CELF2: variants seen among roughly 807,000 people sequenced by gnomAD.
The protein encoded by CELF2 is CUGBP Elav-like family member 2.
In CELF2, 8 loss-of-function variants were observed where a neutral mutation model predicts 62.6. The observed-to-expected ratio is 0.13, with a 90% confidence interval of 0.07 to 0.23. The LOEUF (loss-of-function observed/expected upper bound fraction) is 0.23, where lower values mean the gene tolerates loss of function less well. CELF2 is among the 10% of genes least tolerant of loss of function. The pLI is 1.00. For missense variants in CELF2, 333 were observed against 671.0 expected (o/e 0.50, Z 5.56); for synonymous variants, 258 against 250.0 (o/e 1.03, Z -0.30).
the CELF2 span, among the ~76,000 whole-genome samples, chr10:10,530,237 C>T: frequency 3.9e-5 from 6 of 152,118 alleles, no homozygotes; most frequent in Admixed American, 3.3e-4. Flanking sequence ...AGGAATGAGT[C>T]CACCCTAGGT....
intron 1 of CELF2, among the ~76,000 whole-genome samples, chr10:10,816,338 ACT>A (rs1284588883): frequency 2.6e-5 from 4 of 152,150 alleles, no homozygotes; most frequent in Admixed American, 6.5e-5. Flanking sequence ...TTATAGGGTG[ACT>A]CTAGGAGCTG....
At chr10:10,712,641 C>T in the CELF2 span, among the ~76,000 whole-genome samples, 4 of 152,304 alleles carry the variant, frequency 2.6e-5, no homozygotes, top group South Asian at 8.3e-4. Flanking sequence ...TCCTACCTGG[C>T]ATCTTCATCT....
chr10:11,293,838 C>A (rs2092831859), intron 9 of CELF2, among the ~76,000 whole-genome samples: 1 of 152,026 alleles, frequency 6.6e-6, no homozygotes, highest in Non-Finnish European at 1.5e-5. Flanking sequence ...CAAAAATTGT[C>A]AAAGACAAAT....
the CELF2 span, among the ~76,000 whole-genome samples, chr10:10,736,924 C>T: frequency 1.7e-3 from 258 of 152,120 alleles, 2 homozygotes; most frequent in East Asian, 0.019. Context: ...TTCCAAATGG[C>T]GCAACTTAAT....
intron 2 of CELF2, chr10:10,935,356 A>G (rs1426709148): frequency 6.6e-6 from 1 of 152,212 alleles, no homozygotes; most frequent in African/African-American, 2.4e-5. Flanking sequence ...GAGACATTGT[A>G]GCTATTCATT....
At chr10:10,669,854 T>C in the CELF2 span, among the ~76,000 whole-genome samples, 1 of 152,152 alleles carries the variant, frequency 6.6e-6, no homozygotes, top group Non-Finnish European at 1.5e-5. Context: ...CTTTTTGTGT[T>C]TGATTGCATG....
chr10:11,048,864 G>C (rs2063343452), intron 1 of CELF2, among the ~76,000 whole-genome samples: 1 of 152,192 alleles, frequency 6.6e-6, no homozygotes, highest in African/African-American at 2.4e-5. Context: ...TAAATACTCT[G>C]AGTGCAGAAT....
intron 2 of CELF2, among the ~76,000 whole-genome samples, chr10:10,959,318 C>T (rs1592421770): frequency 6.6e-6 from 1 of 152,098 alleles, no homozygotes; most frequent in East Asian, 1.9e-4. Flanking sequence ...ATTTTGATGC[C>T]TTTTGTGGCA....
chr10:10,866,376 C>CTG (rs11282132), intron 1 of CELF2, among the ~76,000 whole-genome samples: 13 of 145,342 alleles, frequency 8.9e-5, no homozygotes, highest in South Asian at 6.7e-4. Flanking sequence ...CTTTGGGAGG[C>CTG]AGGCAGATGA....
At chr10:10,587,868 T>G in the CELF2 span, among the ~76,000 whole-genome samples, 8 of 152,246 alleles carry the variant, frequency 5.3e-5, no homozygotes, top group African/African-American at 1.9e-4. Flanking sequence ...TCTGTGGGCT[T>G]GGTGAGCAAG....
the CELF2 span, among the ~76,000 whole-genome samples, chr10:10,742,194 T>C: frequency 1.3e-5 from 2 of 151,384 alleles, no homozygotes; most frequent in African/African-American, 2.4e-5. Flanking sequence ...TTCATTATAC[T>C]GTTAATGAGA....
chr10:10,615,768 A>T, the CELF2 span, among the ~76,000 whole-genome samples: 5 of 152,216 alleles, frequency 3.3e-5, no homozygotes, highest in East Asian at 9.6e-4. Context: ...CCATGATTGT[A>T]AGTTTCCTGA....
intron 1 of CELF2, among the ~76,000 whole-genome samples, chr10:11,048,689 T>G (rs1010153684): frequency 2.0e-5 from 3 of 152,228 alleles, no homozygotes; most frequent in Non-Finnish European, 4.4e-5. Context: ...CTTCCTCTTT[T>G]CTTGAGGGGC....
At chr10:11,146,160 C>T (rs79836706) in intron 1 of CELF2, among the ~76,000 whole-genome samples, 6,748 of 152,214 alleles carry the variant, frequency 0.044, 165 homozygotes, top group Middle Eastern at 0.048. Context: ...CAAAACCCTC[C>T]CTCTTTTCCA....
chr10:10,959,022 C>T (rs562678748), intron 2 of CELF2, among the ~76,000 whole-genome samples: 3 of 152,178 alleles, frequency 2.0e-5, no homozygotes, highest in Admixed American at 6.5e-5. Flanking sequence ...TTTGGGAGGC[C>T]GAGGTAGGCG....
chr10:10,537,010 C>A, the CELF2 span, among the ~76,000 whole-genome samples: 1 of 152,096 alleles, frequency 6.6e-6, no homozygotes, highest in Non-Finnish European at 1.5e-5. Context: ...AAGCTGGATT[C>A]ACTTGCTGCT....
rs2050848002 is a variant in CELF2, at chr10:10,972,425, G to T, written c.89+52426G>T. Among the ~76,000 whole-genome samples, 1 of 152,158 alleles carries T rather than the reference G, an allele frequency of 6.6e-6. No individual in the cohort carries two copies. The highest frequency in any genetic ancestry group is 6.5e-5 in the Admixed American group (1 of 15,282). ...CTGGGTATTCCCTCTGGGAAATGCT[G>T]CTCTTCAAACTTGATTTCCCCATCC... On this transcript the variant is annotated intron_variant, in intron 2 of 13. Coordinates refer to the CELF2 transcript ENST00000636488. This position sits in a 1 kb window ranked among gnomAD's most constrained non-coding sequence, Gnocchi z 4.4.
At chr10:10,977,074 T>G (rs557687091) in intron 2 of CELF2, among the ~76,000 whole-genome samples, 60 of 151,606 alleles carry the variant, frequency 4.0e-4, no homozygotes, top group African/African-American at 1.3e-3. Flanking sequence ...CTGCCCTGAT[T>G]TAGACCAATT....
At chr10:11,298,356 C>T in intron 9 of CELF2, among the ~76,000 whole-genome samples, 1 of 152,218 alleles carries the variant, frequency 6.6e-6, no homozygotes, top group Non-Finnish European at 1.5e-5. Context: ...AGGGCTGAGT[C>T]AGCAGGTGGT....
Sources: allele counts gnomAD v4.1 joint callset (sites outside exome capture counted in the v4.1 genomes callset), GRCh38; gene constraint gnomAD v4.1.1; non-coding constraint Gnocchi (gnomAD v3.1); transcripts MANE v1.5; gene names NCBI Gene and HGNC (gene_info 2026-07-23, HGNC 2026-07-21).